The following SRPRA variants were observed in gnomAD, a reference collection of about 807,000 sequenced individuals.
SRPRA encodes the protein signal recognition particle receptor subunit alpha.
SRPRA carries 30 observed loss-of-function variants against 61.1 expected under a neutral mutation model. The observed-to-expected ratio is 0.49, with a 90% CI of 0.37 to 0.67. The LOEUF is 0.67. Ranked by LOEUF, SRPRA falls within the 30% of genes least tolerant of loss-of-function variation. The pLI is 0.00. For synonymous variants in SRPRA, 324 were observed against 299.7 expected, an observed-to-expected ratio of 1.08 and a Z score of -0.84; for missense variants, 759 against 828.4, an observed-to-expected ratio of 0.92 and a Z score of 1.03.
In SRPRA at chr11:126,265,790, A is replaced by G; in HGVS notation, c.1085T>C (p.Leu362Pro). The G allele has an allele frequency of 6.2e-7, 1 of 1,614,210 alleles. No homozygotes were observed. The highest frequency in any genetic ancestry group is 8.5e-7 in the Non-Finnish European group (1 of 1,180,038). Reference protein sequence around the residue: ...KNVAADIAVQLCESVANKLEG... With the variant: ...KNVAADIAVQPCESVANKLEG... Reference sequence around the variant, plus strand: ...CAACTTGTTGGCAACAGATTCACAGAGCTGGACGGCAATGTCTGCAGCCAC... The same window carrying G: ...CAACTTGTTGGCAACAGATTCACAGGGCTGGACGGCAATGTCTGCAGCCAC... Residue 362 changes from leucine to proline, a missense_variant, in exon 9 of 14, where the codon CTC becomes CCC. By Grantham distance (98) the Leu-to-Pro change is moderately conservative. Coordinates refer to ENST00000332118, the MANE Select transcript of SRPRA (RefSeq NM_003139.4). The surrounding 1 kb of genome is among the most constrained non-coding windows in gnomAD (Gnocchi z 6.3).
chr11:126,263,873 G>A lies in SRPRA; in HGVS notation c.*43C>T, dbSNP rs764487207. 1 of 1,609,758 alleles carries A rather than the reference G, an allele frequency of 6.2e-7. No individual in the cohort carries two copies. The highest frequency in any genetic ancestry group is 2.2e-5 in the East Asian group (1 of 44,876). On this transcript the variant is annotated 3_prime_UTR_variant, in exon 14 of 14. Transcript: ENST00000332118. ...GCACATTCTTGATACAGGAAGAAGG[G>A]CTTGTGGGGAAAGCGGCGATTTGGT... is the stretch of plus-strand genomic sequence containing the variant.
At position 126,264,656 on chromosome 11, in the gene SRPRA, G is replaced by C; in HGVS notation, c.1526-117C>G. ...GTTCACTGTCTTGGGCTCTGGATTT[G>C]GTTCCAAGGTAATGTGAGAAAAACT... On this transcript the variant is annotated intron_variant, in intron 11 of 13. Transcript: ENST00000332118. The surrounding 1 kb of genome is among the most constrained non-coding windows in gnomAD (Gnocchi z 5.0). 7.9e-7 allele frequency: 1 copy of C among 1,270,276 alleles called. No individual in the cohort carries two copies. Among genetic ancestry groups the C allele is most frequent in the Non-Finnish European group, 1.1e-6 (1 of 934,796 alleles). 78.7% of individuals were successfully genotyped at this position (1,270,276 alleles called of 1,614,324 possible). A position where few individuals can be genotyped will look rare whatever the true frequency, so the allele number is the denominator to read the frequency against.
downstream of SRPRA, chr11:126,261,357 G>T: frequency 7.5e-7 from 1 of 1,338,818 alleles, no homozygotes; most frequent in Non-Finnish European, 1.1e-6. Flanking sequence ...TCTCCCTTTA[G>T]TTTTCTTTTT....
At chr11:126,245,683 G>A in the SRPRA span, among the ~76,000 whole-genome samples, 2 of 150,984 alleles carry the variant, frequency 1.3e-5, no homozygotes, top group African/African-American at 4.9e-5. Context: ...AACATAGTGA[G>A]ACCCTCGGCT....
the SRPRA span, chr11:126,250,459 T>C: frequency 7.4e-7 from 1 of 1,356,954 alleles, no homozygotes; most frequent in Non-Finnish European, 1.0e-6. This position sits in a 1 kb window ranked among gnomAD's most constrained non-coding sequence, Gnocchi z 5.1. Context: ...ACAACTGACC[T>C]ACCAAAGCAC....
In SRPRA at chr11:126,268,038, A is replaced by G. The variant is rs1179201286; in HGVS notation, c.166T>C (p.Tyr56His). 1 of 1,614,180 alleles carries G rather than the reference A, an allele frequency of 6.2e-7. No homozygotes were observed. The highest frequency in any genetic ancestry group is 8.5e-7 in the Non-Finnish European group (1 of 1,180,028). ...AGCTCAAACTGGTTGTCCAGTTTAT[A>G]CTTGAGTGTGAGTGCCTCATGGGTG... ...SFTHEALTLK[Y>H]KLDNQFELVF... Residue 56 changes from tyrosine to histidine, a missense_variant, in exon 2 of 14, where the codon TAT becomes CAT. Transcript: ENST00000332118.
chr11:126,259,617 G>A (rs1327003697), downstream of SRPRA, among the ~76,000 whole-genome samples: 2 of 151,116 alleles, frequency 1.3e-5, no homozygotes, highest in African/African-American at 2.4e-5. Flanking sequence ...AGTAGAGATG[G>A]GGTTTCACCA....
chr11:126,262,159 T>C, downstream of SRPRA: 4 of 1,613,254 alleles, frequency 2.5e-6, no homozygotes, highest in Admixed American at 1.7e-5. Flanking sequence ...CACCACCGTT[T>C]AGACCAAGCT....
At chr11:126,250,458 C>A in the SRPRA span, 1 of 1,334,782 alleles carries the variant, frequency 7.5e-7, no homozygotes, top group Non-Finnish European at 1.1e-6. This position sits in a 1 kb window ranked among gnomAD's most constrained non-coding sequence, Gnocchi z 5.1. Flanking sequence ...AACAACTGAC[C>A]TACCAAAGCA....
chr11:126,266,665 G>A (rs779779494), intron 5 of SRPRA, 36 bp from the exon 6 acceptor site: 1 of 1,610,044 alleles, frequency 6.2e-7, no homozygotes, highest in Non-Finnish European at 8.5e-7. Flanking sequence ...TTATGGTGGA[G>A]AAGTAGGAAA....
the SRPRA span, among the ~76,000 whole-genome samples, chr11:126,252,590 A>G: frequency 6.6e-6 from 1 of 152,146 alleles, no homozygotes; most frequent in Non-Finnish European, 1.5e-5. This position sits in a 1 kb window ranked among gnomAD's most constrained non-coding sequence, Gnocchi z 4.7. Flanking sequence ...AAAAAGTTTA[A>G]AAATTAGCCG....
chr11:126,262,211 A>C, downstream of SRPRA: 2 of 1,499,452 alleles, frequency 1.3e-6, no homozygotes, highest in Non-Finnish European at 1.9e-6. Context: ...GTAAACTTAC[A>C]AGAACCCAAC....
intron 4 of SRPRA, 29 bp from the exon 5 acceptor site, chr11:126,266,951 AAAG>A (rs765102259): frequency 2.3e-4 from 366 of 1,604,278 alleles, no homozygotes; most frequent in South Asian, 8.5e-4. Flanking sequence ...ACTGAAGAAA[AAAG>A]AAGACCAATC....
chr11:126,268,792 A>T lies in SRPRA; in HGVS notation c.13T>A (p.Phe5Ile). 6.2e-7 allele frequency: 1 copy of T among 1,613,576 alleles called. No individual in the cohort carries two copies. Among genetic ancestry groups the T allele is most frequent in the Non-Finnish European group, 8.5e-7 (1 of 1,179,976 alleles). The change falls in exon 1 of 14, where the codon TTC (phenylalanine) becomes ATC (isoleucine). Residue 5 changes from phenylalanine (F) to isoleucine (I), a missense_variant. By Grantham distance (21) the Phe-to-Ile change is conservative (BLOSUM62 0). This residue lies in a region of SRPRA where 475 missense variants were observed against 462.5 expected (regional missense o/e 1.03). Transcript: ENST00000332118. ...AGCCCGCCCTTGGAGAAAATGGTGA[A>T]GAAGTCGAGCATGGCGGCAGCGGCA... MLDF[F>I]TIFSKGGLVL...
rs372141683 is a variant in SRPRA, at chr11:126,264,271, A to G, written c.1708T>C (p.Leu570=). ...VDQLVKFNRA[L]ADHSMAQTPR... is the part of the protein sequence containing the mutation. ...GTCTGAGCCATAGAATGGTCAGCCA[A>G]GGCTCTGTTGAACTTGACCTGGAAA... Residue 570 remains leucine (L), a synonymous_variant, in exon 13 of 14, where the codon TTG becomes CTG. Transcript: ENST00000332118. The surrounding 1 kb of genome is among the most constrained non-coding windows in gnomAD (Gnocchi z 5.0). The G allele has an allele frequency of 1.2e-6, 2 of 1,613,990 alleles. No individual in the cohort carries two copies. Among genetic ancestry groups the G allele is most frequent in the Non-Finnish European group, 1.7e-6 (2 of 1,179,988 alleles).
At chr11:126,258,309 C>G (rs562371435), downstream of SRPRA, among the ~76,000 whole-genome samples, 2 of 152,174 alleles carry the variant, frequency 1.3e-5, no homozygotes, top group African/African-American at 4.8e-5. Flanking sequence ...ATCACTTGAG[C>G]CCAGGAGTTG....
At chr11:126,250,516 A>G in the SRPRA span, 1 of 1,613,306 alleles carries the variant, frequency 6.2e-7, no homozygotes, top group Non-Finnish European at 8.5e-7. The surrounding 1 kb of genome is among the most constrained non-coding windows in gnomAD (Gnocchi z 5.1). Flanking sequence ...CGTACCAGTA[A>G]TGTTCGATCC....
In SRPRA at chr11:126,265,393, T is replaced by C; in HGVS notation, c.1186A>G (p.Ile396Val). The change falls in exon 10 of 14, where the codon ATT becomes GTT. Residue 396 changes from isoleucine (I) to valine (V), a missense_variant. Physicochemically the swap from Ile to Val is conservative, Grantham distance 29. Transcript: ENST00000332118. The surrounding 1 kb of genome is among the most constrained non-coding windows in gnomAD (Gnocchi z 6.3). ...KQALQESLVQ[I>V]LQPQRRVDML... ...TCTACACGACGCTGTGGCTGCAGAA[T>C]CTGCACCAGGGACTCCTGTAGGGCT... 6.2e-7 allele frequency: 1 copy of C among 1,613,998 alleles called. No individual in the cohort carries two copies. Among genetic ancestry groups the C allele is most frequent in the South Asian group, 1.1e-5 (1 of 91,088 alleles).
rs1950794887 is a variant in SRPRA, at chr11:126,265,682, A to C, written c.1138+55T>G. The C allele has an allele frequency of 6.3e-7, 1 of 1,575,644 alleles. No individual in the cohort carries two copies. The highest frequency in any genetic ancestry group is 1.3e-5 in the African/African-American group (1 of 74,186). ...AAAGTCACATACCTAGTAAGAACTG[A>C]GGTCTATGCACTTAACCTACACATA... is the stretch of plus-strand genomic sequence containing the variant. On this transcript the variant is annotated intron_variant, in intron 9 of 13. Coordinates refer to ENST00000332118, the MANE Select transcript of SRPRA (RefSeq NM_003139.4). The surrounding 1 kb of genome is among the most constrained non-coding windows in gnomAD (Gnocchi z 6.3).
Sources: gnomAD v4.1 joint callset for allele counts (sites outside exome capture counted in the v4.1 genomes callset) on GRCh38, gnomAD v4.1.1 for gene constraint, gnomAD v4.1.1 regional missense constraint, Gnocchi (gnomAD v3.1) non-coding constraint, MANE v1.5 for transcripts, NCBI Gene and HGNC (gene_info 2026-07-23, HGNC 2026-07-21) for gene names.